STIM1: variants seen among roughly 807,000 people sequenced by gnomAD.
STIM1 encodes stromal interaction molecule 1.
STIM1 carries 25 observed loss-of-function variants against 74.7 expected under a neutral mutation model. That is an observed-to-expected ratio of 0.33 (90% CI 0.24 to 0.47). The LOEUF (loss-of-function observed/expected upper bound fraction) is 0.47. Among genes scored for constraint, STIM1 ranks in the 20% least tolerant of loss-of-function variants. STIM1 has a pLI of 1.00. For missense variants in STIM1, 728 were observed against 920.8 expected (o/e 0.79, Z 2.71); for synonymous variants, 328 against 348.8 (o/e 0.94, Z 0.66).
intron 1 of STIM1, among the ~76,000 whole-genome samples, chr11:3,864,858 A>T (rs1273124329): frequency 6.6e-6 from 1 of 151,984 alleles, no homozygotes; most frequent in African/African-American, 2.4e-5. Flanking sequence ...AGTCTTGTGG[A>T]GTCTTTTTAT....
chr11:3,858,557 T>C (rs1205765650), intron 1 of STIM1, among the ~76,000 whole-genome samples: 3 of 152,188 alleles, frequency 2.0e-5, no homozygotes, highest in African/African-American at 4.8e-5. Flanking sequence ...GGGTTTTGTC[T>C]TTGACTCAGT....
chr11:3,937,636 G>A (rs1422581336), intron 1 of STIM1, among the ~76,000 whole-genome samples: 2 of 152,104 alleles, frequency 1.3e-5, no homozygotes, highest in Non-Finnish European at 2.9e-5. Context: ...GAGGATGATG[G>A]CAGTCCTTCA....
At chr11:4,037,065 T>C (rs552808452) in intron 3 of STIM1, among the ~76,000 whole-genome samples, 7 of 152,022 alleles carry the variant, frequency 4.6e-5, no homozygotes, top group Non-Finnish European at 1.0e-4. Context: ...TTCTTTCTTT[T>C]TTTTTTTTGA....
At chr11:3,998,101 A>G (rs548852744) in intron 2 of STIM1, among the ~76,000 whole-genome samples, 1 of 152,134 alleles carries the variant, frequency 6.6e-6, no homozygotes, top group South Asian at 2.1e-4. Context: ...AACATATTAC[A>G]CACACACACA....
At chr11:3,986,499 T>G (rs1017937371) in intron 2 of STIM1, among the ~76,000 whole-genome samples, 4 of 152,154 alleles carry the variant, frequency 2.6e-5, no homozygotes, top group Non-Finnish European at 5.9e-5. Context: ...ACTGAGGAAC[T>G]TGGATTTCAT....
At chr11:4,005,018 C>T (rs2093763140) in intron 2 of STIM1, among the ~76,000 whole-genome samples, 2 of 152,182 alleles carry the variant, frequency 1.3e-5, no homozygotes, top group Admixed American at 1.3e-4. Flanking sequence ...AAATGCAAAT[C>T]AAAGCCACAA....
rs536588411 is a variant in STIM1 at position 3,930,735 on chromosome 11, A to G, written c.140-36817A>G. On this transcript the variant is annotated intron_variant, in intron 1 of 12. Coordinates refer to ENST00000526596, the MANE Select transcript of STIM1 (RefSeq NM_001382567.1). Reference sequence around the variant, plus strand: ...TATCATACAAATTGTTTTTCATTCTATTGTTTGCCAGATCTGCTGTCATCT... The same window carrying G: ...TATCATACAAATTGTTTTTCATTCTGTTGTTTGCCAGATCTGCTGTCATCT... 2.0e-5 allele frequency among the ~76,000 whole-genome samples: 3 copies of G among 152,218 alleles called. No individual in the cohort carries two copies. In the East Asian group the frequency reaches 5.8e-4, roughly 29 times the overall value.
intron 7 of STIM1, among the ~76,000 whole-genome samples, chr11:4,079,580 A>T (rs944201666): frequency 6.6e-6 from 1 of 152,152 alleles, no homozygotes; most frequent in African/African-American, 2.4e-5. Context: ...TCTCAAAAAA[A>T]AAATAAAATA....
At chr11:3,940,602 A>T (rs1370203968) in intron 1 of STIM1, among the ~76,000 whole-genome samples, 2 of 152,184 alleles carry the variant, frequency 1.3e-5, no homozygotes, top group Non-Finnish European at 2.9e-5. Flanking sequence ...TAGGCATCGA[A>T]CTATTGGGAA....
chr11:3,959,196 A>G (rs1475148094), intron 1 of STIM1, among the ~76,000 whole-genome samples: 1 of 152,206 alleles, frequency 6.6e-6, no homozygotes, highest in Non-Finnish European at 1.5e-5. Context: ...TGGCTGAGAA[A>G]TAAGAGGTGA....
chr11:3,950,221 C>T (rs539242851), intron 1 of STIM1, among the ~76,000 whole-genome samples: 9 of 151,542 alleles, frequency 5.9e-5, no homozygotes, highest in Admixed American at 3.3e-4. Flanking sequence ...GCAACCTCCA[C>T]CTCCTGGGTT....
chr11:3,883,020 T>C (rs2091574502), intron 1 of STIM1, among the ~76,000 whole-genome samples: 1 of 93,246 alleles, frequency 1.1e-5, no homozygotes, highest in Non-Finnish European at 2.9e-5. Context: ...AAGTTGTTTG[T>C]TTTTTTGTTA....
chr11:3,858,126 G>A (rs939499381), intron 1 of STIM1, among the ~76,000 whole-genome samples: 9 of 152,038 alleles, frequency 5.9e-5, no homozygotes, highest in Non-Finnish European at 1.2e-4. Context: ...CAAAATATGA[G>A]TGCCTGACAT....
intron 3 of STIM1, among the ~76,000 whole-genome samples, chr11:4,036,749 A>C (rs2094106360): frequency 6.6e-6 from 1 of 152,118 alleles, no homozygotes; most frequent in Non-Finnish European, 1.5e-5. Flanking sequence ...AGGACTCTGG[A>C]TATTAGACCT....
chr11:3,894,334 A>G (rs530980104), intron 1 of STIM1, among the ~76,000 whole-genome samples: 4 of 152,086 alleles, frequency 2.6e-5, no homozygotes, highest in Non-Finnish European at 4.4e-5. Context: ...TTCACTTTTG[A>G]AGGGAGAGAT....
At position 4,091,831 on chromosome 11, in the gene STIM1, T is replaced by C; in HGVS notation, c.*33T>C. Reference sequence around the variant, plus strand: ...GGGGTGGCAGTAAAGGGACAGCTTGTCCTTCCCTGGGTGTTCTGTCTCTCC... The same window carrying C: ...GGGGTGGCAGTAAAGGGACAGCTTGCCCTTCCCTGGGTGTTCTGTCTCTCC... On this transcript the variant is annotated 3_prime_UTR_variant, in exon 13 of 13. Coordinates refer to ENST00000526596, the MANE Select transcript of STIM1 (RefSeq NM_001382567.1). The C allele has an allele frequency of 3.1e-6, 5 of 1,599,566 alleles. No individual in the cohort carries two copies. The highest frequency in any genetic ancestry group is 2.7e-5 in the African/African-American group (2 of 75,044).
At chr11:4,005,979 A>G (rs761907674) in intron 2 of STIM1, among the ~76,000 whole-genome samples, 1 of 152,170 alleles carries the variant, frequency 6.6e-6, no homozygotes, top group Non-Finnish European at 1.5e-5. Flanking sequence ...GGTAAATAAG[A>G]GTTGGTAAAC....
intron 2 of STIM1, among the ~76,000 whole-genome samples, chr11:3,971,407 T>C (rs2093393283): frequency 6.6e-6 from 1 of 152,082 alleles, no homozygotes; most frequent in Non-Finnish European, 1.5e-5. Flanking sequence ...CGGGCGCCTG[T>C]AGTCCTAGCT....
At chr11:3,978,400 G>A (rs556889315) in intron 2 of STIM1, among the ~76,000 whole-genome samples, 68 of 148,972 alleles carry the variant, frequency 4.6e-4, no homozygotes, top group Non-Finnish European at 7.0e-4. Flanking sequence ...TGCCCGCCTC[G>A]GCCTCCCAAA....
Sources: allele counts gnomAD v4.1 joint callset (sites outside exome capture counted in the v4.1 genomes callset), GRCh38; gene constraint gnomAD v4.1.1; transcripts MANE v1.5; gene names NCBI Gene and HGNC (gene_info 2026-07-23, HGNC 2026-07-21).